MCTP2: variants seen among roughly 807,000 people sequenced by gnomAD.
MCTP2 encodes the protein multiple C2 and transmembrane domain-containing protein 2.
Under a neutral mutation model 111.6 loss-of-function variants are expected in MCTP2, and 132 were observed. The observed-to-expected ratio is 1.18, with a 90% CI of 1.03 to 1.37. MCTP2 has a LOEUF of 1.37. MCTP2 is among the 40% of genes most tolerant of loss of function. MCTP2 has a pLI of 0.00. For synonymous variants in MCTP2, 395 were observed against 387.7 expected (o/e 1.02, Z -0.22); for missense variants, 1,183 against 1,067.9 (o/e 1.11, Z -1.50).
At chr15:94,385,292 A>G in intron 13 of MCTP2, 131 bp from the exon 14 acceptor site, 1 of 575,434 alleles carries the variant, frequency 1.7e-6, no homozygotes, top group Non-Finnish European at 3.1e-6. Flanking sequence ...TAATTTTTGG[A>G]ATTTAATTAA....
In MCTP2 at chr15:94,390,098, A is replaced by ATATATACGTATATATATATG. The variant is rs2080842842; in HGVS notation, c.1788+4579_1788+4580insCGTATATATATATGTATATA. Reference sequence around the variant, plus strand: ...TATATATATATATATATGTATATATATATATATATATATATGTATATATAT... The same window carrying ATATATACGTATATATATATG: ...TATATATATATATATATGTATATATATATATACGTATATATATATGTATATATATATATATGTATATATAT... On this transcript the variant is annotated intron_variant, in intron 14 of 22. Coordinates refer to ENST00000357742, the MANE Select transcript of MCTP2 (RefSeq NM_001385001.1). Among the ~76,000 whole-genome samples, 14 of 34,418 alleles carry ATATATACGTATATATATATG rather than the reference A, an allele frequency of 4.1e-4. No homozygotes were observed. In the South Asian group the frequency reaches 0.011, roughly 26 times the overall value. 22.6% of individuals were successfully genotyped at this position (34,418 alleles called of 152,430 possible). A position where few individuals can be genotyped will look rare whatever the true frequency, so the allele number is the denominator to read the frequency against.
At chr15:94,321,545 C>T (rs1164579860) in intron 4 of MCTP2, among the ~76,000 whole-genome samples, 2 of 152,174 alleles carry the variant, frequency 1.3e-5, no homozygotes, top group African/African-American at 4.8e-5. Flanking sequence ...TCTTGACTCC[C>T]AGTACAGAAC....
intron 14 of MCTP2, among the ~76,000 whole-genome samples, chr15:94,388,206 A>G (rs1179201040): frequency 6.6e-6 from 1 of 152,200 alleles, no homozygotes; most frequent in African/African-American, 2.4e-5. Context: ...TACATCCAGG[A>G]ATAACCCCTG....
chr15:94,246,244 T>C (rs2071997055), intron 1 of MCTP2, among the ~76,000 whole-genome samples: 1 of 152,118 alleles, frequency 6.6e-6, no homozygotes, highest in East Asian at 1.9e-4. Context: ...GGCTTAAAGG[T>C]CAAGTATTTG....
At chr15:94,470,474 C>G (rs749571619) in intron 21 of MCTP2, 32 bp downstream of exon 21, 8 of 1,369,464 alleles carry the variant, frequency 5.8e-6, no homozygotes, top group Middle Eastern at 1.8e-4. Flanking sequence ...TGCTAGCAAT[C>G]AATTCCAGGT....
At chr15:94,249,634 C>T (rs975711846) in intron 1 of MCTP2, among the ~76,000 whole-genome samples, 5 of 152,012 alleles carry the variant, frequency 3.3e-5, no homozygotes, top group African/African-American at 4.8e-5. Flanking sequence ...TACAGGCACC[C>T]GCCACCACGC....
chr15:94,410,038 A>G (rs2082086263), intron 17 of MCTP2, among the ~76,000 whole-genome samples: 1 of 152,058 alleles, frequency 6.6e-6, no homozygotes, highest in Non-Finnish European at 1.5e-5. Flanking sequence ...AAACAAGCAT[A>G]TCATAAGAAA....
At chr15:94,368,287 AG>A (rs1330680551) in intron 11 of MCTP2, among the ~76,000 whole-genome samples, 1 of 152,220 alleles carries the variant, frequency 6.6e-6, no homozygotes, top group Non-Finnish European at 1.5e-5. Flanking sequence ...TGATAAGAGC[AG>A]TGTGTGATTT....
intron 5 of MCTP2, 136 bp downstream of exon 5, chr15:94,339,568 T>A (rs1476287971): frequency 1.2e-5 from 7 of 569,166 alleles, no homozygotes; most frequent in Middle Eastern, 1.0e-3. Flanking sequence ...ATAGAAAAAA[T>A]TCCTTATACT....
intron 14 of MCTP2, among the ~76,000 whole-genome samples, chr15:94,389,720 C>T (rs941224169): frequency 1.3e-5 from 2 of 151,834 alleles, no homozygotes; most frequent in African/African-American, 4.8e-5. Flanking sequence ...GGTTTAAAAA[C>T]AGAAAAAACA....
At chr15:94,244,650 A>G (rs1205762589) in intron 1 of MCTP2, among the ~76,000 whole-genome samples, 1 of 148,108 alleles carries the variant, frequency 6.8e-6, no homozygotes, top group Non-Finnish European at 1.5e-5. Flanking sequence ...TTATAAACGT[A>G]TATGTATACA....
chr15:94,443,212 A>G (rs2083889898), intron 19 of MCTP2, among the ~76,000 whole-genome samples: 1 of 152,190 alleles, frequency 6.6e-6, no homozygotes, highest in Admixed American at 6.5e-5. Context: ...GAGGCCTTTC[A>G]TTGGATACAA....
In MCTP2 at chr15:94,458,167, ATC is replaced by A. The variant is rs376048281; in HGVS notation, c.2283_2284del (p.Met763GlyfsTer23). 5 of 1,611,624 alleles carry A rather than the reference ATC, an allele frequency of 3.1e-6. No homozygotes were observed. The East Asian group carries it at 1.1e-4, about 36-fold the overall frequency. On this transcript the variant is annotated frameshift_variant, in exon 20 of 23. Transcript: ENST00000357742. LOFTEE classifies it high-confidence loss of function. ...ESEKKGLIER[I>X]YMVQDIVSTV... ...TGAGAAAAAGGGGTTGATTGAAAGAATCTATATGGTACAGGATATTGTTTCAA... is the reference window on the plus strand; with the variant it reads ...TGAGAAAAAGGGGTTGATTGAAAGAATATATGGTACAGGATATTGTTTCAA...
At chr15:94,441,046 G>C (rs928576427) in intron 18 of MCTP2, among the ~76,000 whole-genome samples, 2 of 151,938 alleles carry the variant, frequency 1.3e-5, no homozygotes, top group African/African-American at 4.8e-5. Flanking sequence ...CAAGAACCAA[G>C]TTTTTAAAAC....
chr15:94,262,516 T>A (rs1291938552), intron 1 of MCTP2, among the ~76,000 whole-genome samples: 6 of 152,196 alleles, frequency 3.9e-5, no homozygotes, highest in Non-Finnish European at 8.8e-5. Flanking sequence ...AAGTCATAGC[T>A]GCAATGTCTA....
intron 10 of MCTP2, among the ~76,000 whole-genome samples, chr15:94,366,009 A>G (rs1177263476): frequency 2.0e-5 from 3 of 152,208 alleles, no homozygotes; most frequent in Non-Finnish European, 4.4e-5. Flanking sequence ...TTACTGCAAT[A>G]TTGCTCAAGA....
chr15:94,478,972 T>C lies in MCTP2; in HGVS notation c.2575T>C (p.Tyr859His), dbSNP rs1221588720. 2 of 1,613,972 alleles carry C rather than the reference T, an allele frequency of 1.2e-6. No individual in the cohort carries two copies. Among genetic ancestry groups the C allele is most frequent in the South Asian group, 2.2e-5 (2 of 91,078 alleles). Reference sequence around the variant, plus strand: ...CGGCTATTTGTTTTCACAGGTGCAGTATGCAGAATTGAAACTCTGCAGCAG... The same window carrying C: ...CGGCTATTTGTTTTCACAGGTGCAGCATGCAGAATTGAAACTCTGCAGCAG... ...RVPSDVQKVQ[Y>H]AELKLCSSHS... Residue 859 changes from tyrosine to histidine, a missense_variant, in exon 23 of 23, where the codon TAT becomes CAT. By Grantham distance (83) the Tyr-to-His change is moderately conservative. Transcript: ENST00000357742.
intron 20 of MCTP2, among the ~76,000 whole-genome samples, chr15:94,463,481 T>C (rs1196826910): frequency 6.6e-6 from 1 of 152,190 alleles, no homozygotes; most frequent in Non-Finnish European, 1.5e-5. Context: ...AGTTATCTTA[T>C]TTTTATATGA....
chr15:94,345,660 A>G lies in MCTP2; in HGVS notation c.1005+496A>G, dbSNP rs28528216. On this transcript the variant is annotated intron_variant, in intron 8 of 22. Coordinates refer to ENST00000357742, the MANE Select transcript of MCTP2 (RefSeq NM_001385001.1). Reference sequence around the variant, plus strand: ...GTTATTTAGTTTTTACATTGATAGTATCTTTTTAAGCAATTATACATTTCT... The same window carrying G: ...GTTATTTAGTTTTTACATTGATAGTGTCTTTTTAAGCAATTATACATTTCT... Among the ~76,000 whole-genome samples the G allele has an allele frequency of 1.9e-3, 293 of 152,332 alleles. 2 individuals carry two copies. Among genetic ancestry groups the G allele is most frequent in the African/African-American group, 6.5e-3 (270 of 41,576 alleles).
Sources: allele counts gnomAD v4.1 joint callset (sites outside exome capture counted in the v4.1 genomes callset), GRCh38; gene constraint gnomAD v4.1.1; transcripts MANE v1.5; gene names NCBI Gene and HGNC (gene_info 2026-07-23, HGNC 2026-07-21).